The following AK8 variants were observed in gnomAD, a reference collection of about 807,000 sequenced individuals.
The protein encoded by AK8 is ATP-AMP transphosphorylase 8.
In AK8, 44 loss-of-function variants were observed where a neutral mutation model predicts 54.6. That is an observed-to-expected ratio of 0.81 (90% confidence interval 0.63 to 1.04). AK8 has a LOEUF of 1.04. AK8 is among the 50% of genes least tolerant of loss of function. The pLI is 0.00. For synonymous variants in AK8, 239 were observed against 245.6 expected, an observed-to-expected ratio of 0.97 and a Z score of 0.25; for missense variants, 555 against 613.6, an observed-to-expected ratio of 0.90 and a Z score of 1.01.
chr9:132,812,530 T>TGCCCACTGGGATGAAGGGTGAGCCGCCGC (rs1841084110), intron 10 of AK8, among the ~76,000 whole-genome samples: 1 of 130,644 alleles, frequency 7.7e-6, no homozygotes. Flanking sequence ...TGAGCTACCG[T>TGCCCACTGGGATGAAGGGTGAGCCGCCGC]GCCCACTGGG....
At chr9:132,839,805 A>C (rs1564431734) in intron 5 of AK8, among the ~76,000 whole-genome samples, 2 of 133,862 alleles carry the variant, frequency 1.5e-5, no homozygotes, top group Non-Finnish European at 3.2e-5. Flanking sequence ...ATTGTAAAGA[A>C]AACATTTTTT....
chr9:132,823,170 T>TC (rs1564422158), intron 9 of AK8, 35 bp downstream of exon 9: 1 of 1,510,454 alleles, frequency 6.6e-7, no homozygotes, highest in Non-Finnish European at 8.8e-7. Context: ...GGAAAGGCTC[T>TC]CGAAGCTGGG....
chr9:132,868,982 C>T (rs534516414), intron 2 of AK8, among the ~76,000 whole-genome samples: 1 of 152,242 alleles, frequency 6.6e-6, no homozygotes, highest in Admixed American at 6.5e-5. Context: ...AGTTCGAGAC[C>T]AGCCTGGCCA....
intron 5 of AK8, among the ~76,000 whole-genome samples, chr9:132,832,136 C>G (rs993416949): frequency 2.3e-5 from 3 of 133,318 alleles, no homozygotes; most frequent in African/African-American, 8.2e-5. Context: ...CCCGTAGCCT[C>G]CACTGACATT....
At chr9:132,765,292 C>CAAAAAAAAAAAAA (rs61495439) in intron 11 of AK8, among the ~76,000 whole-genome samples, 30 of 62,802 alleles carry the variant, frequency 4.8e-4, no homozygotes, top group African/African-American at 1.5e-3. Context: ...GACTCCATTT[C>CAAAAAAAAAAAAA]AAAAAAAAAA....
rs1004877676 is a variant in AK8, at chr9:132,837,770, C to G, written c.403-9044G>C. On this transcript the variant is annotated intron_variant, in intron 5 of 12. Transcript: ENST00000298545. This position sits in a 1 kb window ranked among gnomAD's most constrained non-coding sequence, Gnocchi z 4.3. ...CAACCACGCCTCAGCATCAGGGTCTCTTACAGAAACACCCACAAATAAGGG... is the reference window on the plus strand; with the variant it reads ...CAACCACGCCTCAGCATCAGGGTCTGTTACAGAAACACCCACAAATAAGGG... Among the ~76,000 whole-genome samples the G allele has an allele frequency of 1.3e-5, 2 of 152,180 alleles. No homozygotes were observed. Among genetic ancestry groups the G allele is most frequent in the Non-Finnish European group, 2.9e-5 (2 of 68,038 alleles).
intron 5 of AK8, among the ~76,000 whole-genome samples, chr9:132,832,302 ATTT>A (rs1842139868): frequency 2.0e-5 from 3 of 152,064 alleles, no homozygotes; most frequent in South Asian, 2.1e-4. Flanking sequence ...TGCAAAAACA[ATTT>A]TTAACAGTCT....
chr9:132,795,318 C>T, intron 10 of AK8, among the ~76,000 whole-genome samples: 1 of 148,680 alleles, frequency 6.7e-6, no homozygotes, highest in African/African-American at 2.6e-5. Context: ...TGGGGCTCCC[C>T]TCCTGCTATA....
chr9:132,816,158 A>G (rs1018093844), intron 9 of AK8, among the ~76,000 whole-genome samples: 1 of 152,140 alleles, frequency 6.6e-6, no homozygotes, highest in African/African-American at 2.4e-5. Flanking sequence ...GCTTGAAACC[A>G]GCCTGGCCAA....
At chr9:132,777,750 C>T (rs1047482077) in intron 11 of AK8, among the ~76,000 whole-genome samples, 3 of 152,176 alleles carry the variant, frequency 2.0e-5, no homozygotes, top group Admixed American at 1.3e-4. Flanking sequence ...CAGTTGTGAA[C>T]TATCAGGAAG....
rs116725119 is a variant in AK8 at position 132,783,173 on chromosome 9, C to T, written c.1121+9461G>A. ...CTCCTTAAAATCTGAGACCCTTTCC[C>T]GGCGCTGGTCTCAGGGAGACATGAG... On this transcript the variant is annotated intron_variant, in intron 11 of 12. Transcript: ENST00000298545. 2.3e-3 allele frequency among the ~76,000 whole-genome samples: 352 copies of T among 152,250 alleles called. 4 individuals carry two copies. Among genetic ancestry groups the T allele is most frequent in the African/African-American group, 8.3e-3 (345 of 41,546 alleles).
In AK8 at chr9:132,869,819, GAGGGTGGTCA is replaced by G. The variant is rs550968969; in HGVS notation, c.170-2876_170-2867del. Among the ~76,000 whole-genome samples the G allele has an allele frequency of 3.3e-5, 5 of 152,228 alleles. No homozygotes were observed. In the South Asian group the frequency reaches 1.0e-3, roughly 32 times the overall value. On this transcript the variant is annotated intron_variant, in intron 2 of 12. Coordinates refer to ENST00000298545, the MANE Select transcript of AK8 (RefSeq NM_152572.3). ...GAGGTTTGTGGGGAGGAGTGGCAGGGAGGGTGGTCAAGGGTGGAGGAGCCTTGGGCCACGA... is the reference window on the plus strand; with the variant it reads ...GAGGTTTGTGGGGAGGAGTGGCAGGGAGGGTGGAGGAGCCTTGGGCCACGA...
chr9:132,817,748 T>G (rs959456417), intron 9 of AK8, among the ~76,000 whole-genome samples: 1 of 152,082 alleles, frequency 6.6e-6, no homozygotes, highest in Admixed American at 6.5e-5. Context: ...CCAGACAGTC[T>G]AACATATGTG....
chr9:132,832,761 C>T (rs1453127307), intron 5 of AK8, among the ~76,000 whole-genome samples: 1 of 152,206 alleles, frequency 6.6e-6, no homozygotes, highest in East Asian at 1.9e-4. Context: ...TGACTTTTCA[C>T]CAGAGAAAGC....
chr9:132,870,451 T>A (rs1042544232), intron 2 of AK8, among the ~76,000 whole-genome samples: 1 of 152,230 alleles, frequency 6.6e-6, no homozygotes, highest in African/African-American at 2.4e-5. Flanking sequence ...TGATTTAAAA[T>A]TCACAAGAAA....
chr9:132,734,201 C>T (rs546108009), intron 11 of AK8, among the ~76,000 whole-genome samples: 1 of 152,294 alleles, frequency 6.6e-6, no homozygotes, highest in South Asian at 2.1e-4. Flanking sequence ...TGCAGGCACC[C>T]CTTCCCCCAA....
intron 2 of AK8, among the ~76,000 whole-genome samples, chr9:132,870,464 C>G (rs1271679799): frequency 6.6e-6 from 1 of 152,168 alleles, no homozygotes; most frequent in African/African-American, 2.4e-5. Context: ...ACAAGAAAAC[C>G]CTTAGGTATT....
chr9:132,868,012 C>G (rs563528755), intron 2 of AK8, among the ~76,000 whole-genome samples: 3 of 152,318 alleles, frequency 2.0e-5, no homozygotes, highest in African/African-American at 7.2e-5. Context: ...CCTGCCTGCT[C>G]AACACCATCT....
In AK8 at chr9:132,832,150, A is replaced by G. The variant is rs1172844651; in HGVS notation, c.403-3424T>C. 3.2e-4 allele frequency among the ~76,000 whole-genome samples: 47 copies of G among 147,608 alleles called. 1 individual carries two copies. The East Asian group carries it at 9.3e-3, about 29-fold the overall frequency. On this transcript the variant is annotated intron_variant, in intron 5 of 12. Coordinates refer to ENST00000298545, the MANE Select transcript of AK8 (RefSeq NM_152572.3). ...TCCCGTAGCCTCCACTGACATTTAA[A>G]AAAAAAAAAAAAAAAAACCTAAACA...
Sources: gnomAD v4.1 joint callset for allele counts (sites outside exome capture counted in the v4.1 genomes callset) on GRCh38, gnomAD v4.1.1 for gene constraint, Gnocchi (gnomAD v3.1) non-coding constraint, MANE v1.5 for transcripts, NCBI Gene and HGNC (gene_info 2026-07-23, HGNC 2026-07-21) for gene names.